The following SP1 variants were observed in gnomAD, a reference collection of about 807,000 sequenced individuals.
SP1 encodes the protein transcription factor Sp1.
Under a neutral mutation model 66.3 loss-of-function variants are expected in SP1, and 6 were observed. The observed-to-expected ratio is 0.09, with a 90% CI of 0.05 to 0.18. SP1 has a LOEUF of 0.18. Ranked by LOEUF, SP1 falls within the 10% of genes least tolerant of loss-of-function variation. The pLI is 1.00. For missense variants in SP1, 848 were observed against 964.5 expected (o/e 0.88, Z 1.60); for synonymous variants, 417 against 360.8 (o/e 1.16, Z -1.77).
chr12:53,399,642 A>AT (rs57026621), intron 3 of SP1, among the ~76,000 whole-genome samples: 3,237 of 101,330 alleles, frequency 0.032, 48 homozygotes, highest in Middle Eastern at 0.082. Context: ...TATTTGTTTT[A>AT]TTTTTTTTTT....
chr12:53,414,198 T>A lies in SP1; in HGVS notation c.*2958T>A, dbSNP rs1938951593. On this transcript the variant is annotated 3_prime_UTR_variant, in exon 6 of 6. Coordinates refer to ENST00000327443, the MANE Select transcript of SP1 (RefSeq NM_138473.3). The stretch of plus-strand genomic sequence containing the variant: ...AGTTTTTTTCATTTTTTTGAATGAG[T>A]TTTTTAAATTTTTTAGATGACCAAA... The A allele has an allele frequency of 6.6e-6, 1 of 152,274 alleles. No individual in the cohort carries two copies. The highest frequency in any genetic ancestry group is 6.6e-5 in the Admixed American group (1 of 15,256). The allele number at this position is 152,274 out of a possible 1,614,324, so 9.4% of individuals were successfully genotyped here. A position where few individuals can be genotyped will look rare whatever the true frequency, so the allele number is the denominator to read the frequency against.
At chr12:53,393,214 C>T (rs1450123514) in intron 3 of SP1, among the ~76,000 whole-genome samples, 1 of 152,182 alleles carries the variant, frequency 6.6e-6, no homozygotes, top group Non-Finnish European at 1.5e-5. Flanking sequence ...TTTCGGAGGT[C>T]GAGGCGAGAG....
intron 4 of SP1, 26 bp downstream of exon 4, chr12:53,406,779 C>G: frequency 1.3e-6 from 2 of 1,566,866 alleles, no homozygotes; most frequent in Non-Finnish European, 1.7e-6. Flanking sequence ...CAGTTTCTTA[C>G]AAATATAAAG....
At chr12:53,408,722 T>C (rs572206654) in intron 4 of SP1, among the ~76,000 whole-genome samples, 2 of 148,534 alleles carry the variant, frequency 1.3e-5, no homozygotes, top group Admixed American at 6.7e-5. Flanking sequence ...CTGGCTAACA[T>C]GGTGAAACCC....
At chr12:53,396,425 G>A (rs181741032) in intron 3 of SP1, among the ~76,000 whole-genome samples, 22 of 151,936 alleles carry the variant, frequency 1.4e-4, no homozygotes, top group African/African-American at 3.4e-4. Flanking sequence ...AAAATTACCC[G>A]GGCATGGTGA....
At chr12:53,404,157 C>G (rs1238041859) in intron 3 of SP1, among the ~76,000 whole-genome samples, 1 of 145,604 alleles carries the variant, frequency 6.9e-6, no homozygotes, top group Non-Finnish European at 1.5e-5. Flanking sequence ...GGCGACAGAG[C>G]GAGACTCCGT....
At chr12:53,402,058 A>T (rs1253829224) in intron 3 of SP1, among the ~76,000 whole-genome samples, 1 of 152,174 alleles carries the variant, frequency 6.6e-6, no homozygotes, top group Non-Finnish European at 1.5e-5. Context: ...ATTATCAGAA[A>T]CTTAATCAAA....
chr12:53,412,872 G>C lies in SP1; in HGVS notation c.*1632G>C, dbSNP rs1339430844. ...CAGCCATAAAAGCATTGTCTCTCTC[G>C]ACCTTCTGGTATCTTGTTAGAGAGC... On this transcript the variant is annotated 3_prime_UTR_variant, in exon 6 of 6. Transcript: ENST00000327443. 6.6e-6 allele frequency: 1 copy of C among 152,328 alleles called. No homozygotes were observed. Among genetic ancestry groups the C allele is most frequent in the African/African-American group, 2.4e-5 (1 of 41,330 alleles). 9.4% of individuals were successfully genotyped at this position (152,328 alleles called of 1,614,324 possible).
At position 53,411,654 on chromosome 12, in the gene SP1, TTATATATATATA is replaced by T. The variant is rs10699711; in HGVS notation, c.*425_*436del. The T allele has an allele frequency of 7.0e-6, 1 of 142,106 alleles. No homozygotes were observed. The highest frequency in any genetic ancestry group is 2.6e-5 in the African/African-American group (1 of 38,460). The allele number at this position is 142,106 out of a possible 1,614,324, so 8.8% of individuals were successfully genotyped here. A position where few individuals can be genotyped will look rare whatever the true frequency, so the allele number is the denominator to read the frequency against. On this transcript the variant is annotated 3_prime_UTR_variant, in exon 6 of 6. Transcript: ENST00000327443. Reference sequence around the variant, plus strand: ...TTAACAAAAAACAGATTCTATATTATTATATATATATATATATATATAAAGATATATAGAGAT... The same window carrying T: ...TTAACAAAAAACAGATTCTATATTATTATATATATAAAGATATATAGAGAT...
At chr12:53,397,095 A>G (rs1302206840) in intron 3 of SP1, among the ~76,000 whole-genome samples, 1 of 151,896 alleles carries the variant, frequency 6.6e-6, no homozygotes, top group Non-Finnish European at 1.5e-5. Flanking sequence ...GCTCACTGCA[A>G]CCTCCACCTC....
intron 3 of SP1, among the ~76,000 whole-genome samples, chr12:53,395,745 A>G (rs1938473256): frequency 6.6e-6 from 1 of 151,922 alleles, no homozygotes; most frequent in Non-Finnish European, 1.5e-5. Flanking sequence ...AGGCGGGCAG[A>G]TCAGGAGGTC....
chr12:53,409,212 G>C, intron 4 of SP1, 150 bp from the exon 5 acceptor site: 1 of 624,662 alleles, frequency 1.6e-6, no homozygotes, highest in South Asian at 2.0e-5. Flanking sequence ...ACGACAGAGT[G>C]AGACTCTCTC....
At chr12:53,408,488 C>T (rs1938801943) in intron 4 of SP1, among the ~76,000 whole-genome samples, 2 of 151,368 alleles carry the variant, frequency 1.3e-5, no homozygotes, top group African/African-American at 2.4e-5. Flanking sequence ...GATGAGGTTT[C>T]GCCATGTTGG....
intron 3 of SP1, among the ~76,000 whole-genome samples, chr12:53,387,884 G>A (rs1938264984): frequency 6.6e-6 from 1 of 151,044 alleles, no homozygotes; most frequent in Non-Finnish European, 1.5e-5. Flanking sequence ...TACTAGGGAG[G>A]CTGAGGCAGG....
intron 3 of SP1, among the ~76,000 whole-genome samples, chr12:53,401,457 G>GAA (rs11367408): frequency 9.9e-5 from 8 of 81,076 alleles, no homozygotes; most frequent in Admixed American, 2.8e-4. Context: ...ATCTATCTGG[G>GAA]AAAAAAAAAA....
At chr12:53,387,352 C>A (rs909301646) in intron 3 of SP1, among the ~76,000 whole-genome samples, 1 of 152,180 alleles carries the variant, frequency 6.6e-6, no homozygotes, top group African/African-American at 2.4e-5. Flanking sequence ...GTGAGGGTAG[C>A]AAATAGGCAA....
rs900713957 is a variant in SP1, at chr12:53,408,644, C to T, written c.1845-718C>T. 7.9e-5 allele frequency among the ~76,000 whole-genome samples: 12 copies of T among 151,650 alleles called. No individual in the cohort carries two copies. The South Asian group carries it at 2.1e-3, about 26-fold the overall frequency. ...AGGCTTGGCCGGGTGCGGTGGCTCA[C>T]GCCTGTAATCCCAGCACTTTGGGAG... On this transcript the variant is annotated intron_variant, in intron 4 of 5. Transcript: ENST00000327443.
At position 53,416,014 on chromosome 12, in the gene SP1, ATCC is replaced by A. The variant is rs1938989031; in HGVS notation, c.*4777_*4779del. 1 of 152,644 alleles carries A rather than the reference ATCC, an allele frequency of 6.6e-6. No individual in the cohort carries two copies. Among genetic ancestry groups the A allele is most frequent in the African/African-American group, 2.4e-5 (1 of 41,416 alleles). 9.5% of individuals were successfully genotyped at this position (152,644 alleles called of 1,614,324 possible). ...CCTGCTTCCCCTTCCTAAGTCTGTCATCCTCTGGAAGGGATGGGTGGTGCTCCA... is the reference window on the plus strand; with the variant it reads ...CCTGCTTCCCCTTCCTAAGTCTGTCATCTGGAAGGGATGGGTGGTGCTCCA... On this transcript the variant is annotated 3_prime_UTR_variant, in exon 6 of 6. Coordinates refer to ENST00000327443, the MANE Select transcript of SP1 (RefSeq NM_138473.3).
chr12:53,408,734 G>C (rs949146978), intron 4 of SP1, among the ~76,000 whole-genome samples: 1 of 150,826 alleles, frequency 6.6e-6, no homozygotes, highest in Non-Finnish European at 1.5e-5. Flanking sequence ...GTGAAACCCC[G>C]TCTCTACTAA....
Sources: allele counts gnomAD v4.1 joint callset (sites outside exome capture counted in the v4.1 genomes callset), GRCh38; gene constraint gnomAD v4.1.1; transcripts MANE v1.5; gene names NCBI Gene and HGNC (gene_info 2026-07-23, HGNC 2026-07-21).